The following CACNA1C variants were observed in gnomAD, a reference collection of about 807,000 sequenced individuals.
CACNA1C encodes the protein calcium voltage-gated channel subunit alpha1 C, also known as voltage-dependent L-type calcium channel subunit alpha-1C.
Under a neutral mutation model 229.0 loss-of-function variants are expected in CACNA1C, and 30 were observed. The ratio of observed to expected loss-of-function variants is 0.13; its 90% CI spans 0.10 to 0.18. The LOEUF (loss-of-function observed/expected upper bound fraction) is 0.18. Ranked by LOEUF, CACNA1C falls within the 10% of genes least tolerant of loss-of-function variation. CACNA1C has a pLI of 1.00. For synonymous variants in CACNA1C, 1,114 were observed against 1,132.5 expected (o/e 0.98, Z 0.33); for missense variants, 1,658 against 2,845.0 (o/e 0.58, Z 9.49).
At chr12:2,584,425 G>A (rs748973608) in intron 15 of CACNA1C, 78 bp from the exon 16 acceptor site, 305 of 963,366 alleles carry the variant, frequency 3.2e-4, no homozygotes, top group Admixed American at 1.3e-3. Flanking sequence ...TACCCTGCAC[G>A]CCCCACATCC....
intron 3 of CACNA1C, among the ~76,000 whole-genome samples, chr12:2,376,785 G>A (rs1457128812): frequency 6.6e-6 from 1 of 152,136 alleles, no homozygotes; most frequent in East Asian, 1.9e-4. Flanking sequence ...AGAAGAGTGT[G>A]TCTTAGGCAT....
At chr12:2,663,366 CTGG>C (rs1238046426) in intron 34 of CACNA1C, among the ~76,000 whole-genome samples, 1 of 152,186 alleles carries the variant, frequency 6.6e-6, no homozygotes, top group Non-Finnish European at 1.5e-5. Flanking sequence ...TTTTACCCCG[CTGG>C]TGGGAATGTG....
chr12:2,144,582 A>C (rs2094546301), intron 3 of CACNA1C, among the ~76,000 whole-genome samples: 1 of 151,324 alleles, frequency 6.6e-6, no homozygotes, highest in Non-Finnish European at 1.5e-5. Context: ...TTATTCATTT[A>C]TAACTCACCT....
rs141318118 is a variant in CACNA1C at position 2,444,868 on chromosome 12, C to T, written c.478-4108C>T. Among the ~76,000 whole-genome samples, 59 of 152,316 alleles carry T rather than the reference C, an allele frequency of 3.9e-4. No individual in the cohort carries two copies. The East Asian group carries it at 0.011, about 27-fold the overall frequency. Reference sequence around the variant, plus strand: ...CTACTTTGGCTCCCGCCTCCATGATCTCTGCATGGGTCACTCCCCTGCCCT... The same window carrying T: ...CTACTTTGGCTCCCGCCTCCATGATTTCTGCATGGGTCACTCCCCTGCCCT... On this transcript the variant is annotated intron_variant, in intron 3 of 46. Coordinates refer to ENST00000399655, the MANE Select transcript of CACNA1C (RefSeq NM_000719.7).
At chr12:2,179,159 CA>C (rs1372007991) in intron 3 of CACNA1C, among the ~76,000 whole-genome samples, 3 of 152,204 alleles carry the variant, frequency 2.0e-5, no homozygotes, top group African/African-American at 7.2e-5. Context: ...AATGGATAAA[CA>C]GGCATTAAAA....
At chr12:2,537,967 C>A (rs926367017) in intron 9 of CACNA1C, among the ~76,000 whole-genome samples, 67 of 152,236 alleles carry the variant, frequency 4.4e-4, no homozygotes, top group African/African-American at 1.6e-3. Context: ...CCCCTGCCCC[C>A]TCCCGGCCCC....
At position 2,467,031 on chromosome 12, in the gene CACNA1C, C is replaced by T. The variant is rs975128697; in HGVS notation, c.757+9325C>T. ...CTTAAACAACATGAGGGGACACTTA[C>T]AAAGCTACTTATGAGGACAGGGGCA... On this transcript the variant is annotated intron_variant, in intron 5 of 46. Transcript: ENST00000399655. This position sits in a 1 kb window ranked among gnomAD's most constrained non-coding sequence, Gnocchi z 4.6. Among the ~76,000 whole-genome samples, 1 of 152,188 alleles carries T rather than the reference C, an allele frequency of 6.6e-6. No individual in the cohort carries two copies. Among genetic ancestry groups the T allele is most frequent in the African/African-American group, 2.4e-5 (1 of 41,456 alleles).
chr12:2,468,990 TGTTA>T lies in CACNA1C; in HGVS notation c.757+11292_757+11295del, dbSNP rs537754266. 2.8e-3 allele frequency among the ~76,000 whole-genome samples: 423 copies of T among 152,326 alleles called. 3 individuals are homozygous for T. Among genetic ancestry groups the T allele is most frequent in the Non-Finnish European group, 3.0e-3 (205 of 68,028 alleles). On this transcript the variant is annotated intron_variant, in intron 5 of 46. Coordinates refer to ENST00000399655, the MANE Select transcript of CACNA1C (RefSeq NM_000719.7). ...CTGACTTCTTGAGCACCCTCTTGCA[TGTTA>T]GTTAGTTTAGTTTTGTTTTGTTTTG...
chr12:2,554,754 G>T (rs2043140137), intron 10 of CACNA1C, among the ~76,000 whole-genome samples: 1 of 152,180 alleles, frequency 6.6e-6, no homozygotes, highest in Non-Finnish European at 1.5e-5. Context: ...AAAGAACCAA[G>T]GCGTTCAGAC....
intron 1 of CACNA1C, among the ~76,000 whole-genome samples, chr12:2,030,553 C>T (rs2048052462): frequency 6.6e-6 from 1 of 152,212 alleles, no homozygotes; most frequent in African/African-American, 2.4e-5. Flanking sequence ...CAGTGGGCTG[C>T]TCCACGGCTC....
At chr12:2,568,064 C>T (rs532258599) in intron 13 of CACNA1C, among the ~76,000 whole-genome samples, 11 of 152,332 alleles carry the variant, frequency 7.2e-5, no homozygotes, top group African/African-American at 2.6e-4. Flanking sequence ...AGGCAGCTAG[C>T]TGAGGTGCCT....
chr12:1,993,287 A>T, intron 1 of CACNA1C: 1 of 1,614,132 alleles, frequency 6.2e-7, no homozygotes, highest in Non-Finnish European at 8.5e-7. Context: ...GTAGAGAAGG[A>T]AAGGGTCCTG....
At chr12:2,571,557 A>G (rs1030470812) in intron 13 of CACNA1C, among the ~76,000 whole-genome samples, 5 of 152,176 alleles carry the variant, frequency 3.3e-5, no homozygotes, top group South Asian at 2.1e-4. Flanking sequence ...TTAATCACCA[A>G]TTTATTTCTA....
intron 3 of CACNA1C, among the ~76,000 whole-genome samples, chr12:2,195,172 C>T (rs954056337): frequency 1.3e-5 from 2 of 152,240 alleles, no homozygotes; most frequent in Non-Finnish European, 2.9e-5. Context: ...TGCCTGCACA[C>T]ATTGTCAGTT....
upstream of CACNA1C, among the ~76,000 whole-genome samples, chr12:2,048,791 T>C (rs1326256026): frequency 7.2e-5 from 11 of 152,256 alleles, no homozygotes; most frequent in Admixed American, 1.3e-4. Flanking sequence ...GGTGTGTGTG[T>C]GCTAAGGGAA....
intron 3 of CACNA1C, among the ~76,000 whole-genome samples, chr12:2,424,027 A>G (rs2099004640): frequency 1.3e-5 from 2 of 152,222 alleles, no homozygotes; most frequent in East Asian, 1.9e-4. Context: ...CTGCGATGTC[A>G]GTGTTTCTTC....
chr12:2,452,843 G>A (rs1028918131), intron 4 of CACNA1C, among the ~76,000 whole-genome samples: 1 of 152,172 alleles, frequency 6.6e-6, no homozygotes, highest in South Asian at 2.1e-4. Context: ...ACAAAATCTG[G>A]TTTGCATTTG....
intron 3 of CACNA1C, among the ~76,000 whole-genome samples, chr12:2,182,787 C>T (rs564856169): frequency 6.6e-6 from 1 of 152,246 alleles, no homozygotes; most frequent in South Asian, 2.1e-4. Flanking sequence ...TGATGACGGC[C>T]ATCCTGATGA....
chr12:2,089,742 AAATTGT>A (rs2069450946), intron 1 of CACNA1C, among the ~76,000 whole-genome samples: 1 of 152,198 alleles, frequency 6.6e-6, no homozygotes, highest in Non-Finnish European at 1.5e-5. Context: ...TCATCTTGAA[AAATTGT>A]AACTGGCTGG....
Sources: allele counts gnomAD v4.1 joint callset (sites outside exome capture counted in the v4.1 genomes callset), GRCh38; gene constraint gnomAD v4.1.1; non-coding constraint Gnocchi (gnomAD v3.1); transcripts MANE v1.5; gene names NCBI Gene and HGNC (gene_info 2026-07-23, HGNC 2026-07-21).